Variants in USP12 observed in about 807,000 individuals in gnomAD.
USP12 encodes the protein ubiquitin carboxyl-terminal hydrolase 12.
In USP12, 19 loss-of-function variants were observed where a neutral mutation model predicts 45.5. The observed-to-expected ratio is 0.42, with a 90% CI of 0.29 to 0.61. The LOEUF (loss-of-function observed/expected upper bound fraction) is 0.61. USP12 is among the 20% of genes least tolerant of loss of function. The pLI, the probability that USP12 is intolerant of heterozygous loss-of-function variation, is 0.22. For missense variants in USP12, 242 were observed against 447.7 expected, an observed-to-expected ratio of 0.54 and a Z score of 4.15; for synonymous variants, 149 against 148.8, an observed-to-expected ratio of 1.00 and a Z score of -0.01.
intron 1 of USP12, among the ~76,000 whole-genome samples, chr13:27,143,593 G>A (rs1877170598): frequency 6.6e-6 from 1 of 152,184 alleles, no homozygotes; most frequent in Non-Finnish European, 1.5e-5. Context: ...ATGGTAATCT[G>A]CAAAGTGAAA....
rs1376791285 is a variant in USP12, at chr13:27,129,159, A to ATC, written c.49-12564_49-12563insGA. 1.9e-5 allele frequency among the ~76,000 whole-genome samples: 1 copy of ATC among 54,036 alleles called. No homozygotes were observed. Among genetic ancestry groups the ATC allele is most frequent in the Non-Finnish European group, 8.6e-5 (1 of 11,630 alleles). 35.4% of individuals were successfully genotyped at this position (54,036 alleles called of 152,430 possible). A position where few individuals can be genotyped will look rare whatever the true frequency, so the allele number is the denominator to read the frequency against. The stretch of plus-strand genomic sequence containing the variant: ...GAAAGAGTTCTTCATTCTTACCACA[A>ATC]TAAGAAAGTGACCTGTAGCTCTTTC... On this transcript the variant is annotated intron_variant, in intron 1 of 8. Coordinates refer to ENST00000282344, the MANE Select transcript of USP12 (RefSeq NM_182488.4). This position sits in a 1 kb window ranked among gnomAD's most constrained non-coding sequence, Gnocchi z 4.0.
At chr13:27,149,853 T>G (rs1877490125) in intron 1 of USP12, among the ~76,000 whole-genome samples, 1 of 152,228 alleles carries the variant, frequency 6.6e-6, no homozygotes, top group African/African-American at 2.4e-5. Flanking sequence ...CCTAGATCCC[T>G]CGCATGCGCG....
chr13:27,137,690 T>C (rs1876868874), intron 1 of USP12, among the ~76,000 whole-genome samples: 1 of 152,236 alleles, frequency 6.6e-6, no homozygotes, highest in South Asian at 2.1e-4. Flanking sequence ...AGCCTGCTAG[T>C]ATCCATGCCT....
At position 27,091,046 on chromosome 13, in the gene USP12, C is replaced by T. The variant is rs1344245222; in HGVS notation, c.574-888G>A. The stretch of plus-strand genomic sequence containing the variant: ...TAAGCTAACCATAGGACCGAAACCC[C>T]TTCTGTAAGATGCCATTCCACTGTA... On this transcript the variant is annotated intron_variant, in intron 4 of 8. Coordinates refer to ENST00000282344, the MANE Select transcript of USP12 (RefSeq NM_182488.4). Among the ~76,000 whole-genome samples the T allele has an allele frequency of 4.6e-5, 7 of 152,180 alleles. No individual in the cohort carries two copies. In the East Asian group the frequency reaches 1.3e-3, roughly 29 times the overall value.
intron 2 of USP12, among the ~76,000 whole-genome samples, chr13:27,108,152 G>C (rs1390098096): frequency 6.6e-6 from 1 of 151,696 alleles, no homozygotes; most frequent in Non-Finnish European, 1.5e-5. Flanking sequence ...AACAATGATA[G>C]ACTGGATTAA....
intron 6 of USP12, chr13:27,077,135 T>C (rs1351395434): frequency 6.6e-6 from 1 of 152,178 alleles, no homozygotes; most frequent in Non-Finnish European, 1.5e-5. Flanking sequence ...ACAATGCTGA[T>C]GAAAGTTTCT....
At chr13:27,166,750 T>C (rs1878362868) in intron 1 of USP12, among the ~76,000 whole-genome samples, 1 of 152,230 alleles carries the variant, frequency 6.6e-6, no homozygotes, top group Non-Finnish European at 1.5e-5. Context: ...GATAACTAAG[T>C]GCCTAAGATT....
chr13:27,119,713 A>T (rs1875898315), intron 1 of USP12, among the ~76,000 whole-genome samples: 1 of 152,256 alleles, frequency 6.6e-6, no homozygotes, highest in South Asian at 2.1e-4. Flanking sequence ...GTCTAAGACA[A>T]CCAATATATG....
chr13:27,117,899 A>G (rs1248562244), intron 1 of USP12: 4 of 506,426 alleles, frequency 7.9e-6, no homozygotes, highest in South Asian at 4.2e-5. Flanking sequence ...GGGATGACAC[A>G]CAAGCAGATA....
intron 8 of USP12, among the ~76,000 whole-genome samples, chr13:27,070,808 C>T (rs1422836143): frequency 6.6e-6 from 1 of 152,198 alleles, no homozygotes; most frequent in African/African-American, 2.4e-5. Context: ...CCGCCTCAGC[C>T]TCCCCAAGTG....
At chr13:27,164,823 T>C (rs1878279844) in intron 1 of USP12, among the ~76,000 whole-genome samples, 1 of 151,230 alleles carries the variant, frequency 6.6e-6, no homozygotes, top group Admixed American at 6.6e-5. Flanking sequence ...TCTTCTAGAC[T>C]AGGAGATTGG....
At chr13:27,075,476 G>A in intron 6 of USP12, 88 bp from the exon 7 acceptor site, 3 of 1,196,876 alleles carry the variant, frequency 2.5e-6, no homozygotes, top group Non-Finnish European at 1.2e-6. Context: ...CCAATGAACA[G>A]ATAGACAATG....
At chr13:27,170,684 T>C (rs1465286682) in intron 1 of USP12, among the ~76,000 whole-genome samples, 1 of 152,232 alleles carries the variant, frequency 6.6e-6, no homozygotes, top group Non-Finnish European at 1.5e-5. Context: ...ACAGTCTATT[T>C]AAACGCCCTA....
chr13:27,096,046 T>C lies in USP12; in HGVS notation c.344-216A>G, dbSNP rs562300550. Among the ~76,000 whole-genome samples the C allele has an allele frequency of 3.3e-5, 5 of 152,340 alleles. No homozygotes were observed. In the South Asian group the frequency reaches 8.3e-4, roughly 25 times the overall value. Reference sequence around the variant, plus strand: ...AAATCTTGTTTAAAAATACTACTAATTGATCCTGAGAAAAGGGCAAAACCT... The same window carrying C: ...AAATCTTGTTTAAAAATACTACTAACTGATCCTGAGAAAAGGGCAAAACCT... On this transcript the variant is annotated intron_variant, in intron 3 of 8. Transcript: ENST00000282344.
chr13:27,087,956 T>G (rs1196177386), intron 6 of USP12, among the ~76,000 whole-genome samples: 1 of 152,222 alleles, frequency 6.6e-6, no homozygotes, highest in Non-Finnish European at 1.5e-5. Context: ...ATTTACAATC[T>G]CAAAATGCTT....
At chr13:27,155,742 C>G (rs970910986) in intron 1 of USP12, among the ~76,000 whole-genome samples, 1 of 152,164 alleles carries the variant, frequency 6.6e-6, no homozygotes, top group Non-Finnish European at 1.5e-5. Flanking sequence ...AATTATAGTT[C>G]AGATGCAAAA....
chr13:27,145,018 G>A (rs1046667370), intron 1 of USP12, among the ~76,000 whole-genome samples: 3 of 152,162 alleles, frequency 2.0e-5, no homozygotes, highest in Non-Finnish European at 2.9e-5. Context: ...AGTGAGCCAC[G>A]ATCGCACCAC....
intron 3 of USP12, 64 bp downstream of exon 3, chr13:27,105,667 G>C: frequency 6.8e-7 from 1 of 1,475,944 alleles, no homozygotes; most frequent in Admixed American, 1.8e-5. Flanking sequence ...GTAAGTGCTG[G>C]AATTATGGCA....
rs1168793279 is a variant in USP12 at position 27,069,447 on chromosome 13, T to C, written c.1012-63A>G. On this transcript the variant is annotated intron_variant, in intron 8 of 8. Transcript: ENST00000282344. ...CTCTGTACAGCCAGAATGGCTTAAATTTAAAAGACTGACAATACCAAGTAT... is the reference window on the plus strand; with the variant it reads ...CTCTGTACAGCCAGAATGGCTTAAACTTAAAAGACTGACAATACCAAGTAT... 12 of 1,224,776 alleles carry C rather than the reference T, an allele frequency of 9.8e-6. No individual in the cohort carries two copies. The Admixed American group carries it at 1.6e-4, about 16-fold the overall frequency. The allele number at this position is 1,224,776 out of a possible 1,614,324, so 75.9% of individuals were successfully genotyped here. A position where few individuals can be genotyped will look rare whatever the true frequency, so the allele number is the denominator to read the frequency against.
Sources: allele counts gnomAD v4.1 joint callset (sites outside exome capture counted in the v4.1 genomes callset), GRCh38; gene constraint gnomAD v4.1.1; non-coding constraint Gnocchi (gnomAD v3.1); transcripts MANE v1.5; gene names NCBI Gene and HGNC (gene_info 2026-07-23, HGNC 2026-07-21).